The following PKD2L2 variants were observed in gnomAD, a reference collection of about 807,000 sequenced individuals.
The protein encoded by PKD2L2 is polycystin 2 like 2, transient receptor potential cation channel, also known as polycystin-2-like protein 2.
A neutral mutation model predicts 83.9 loss-of-function variants in PKD2L2; 67 were observed. The ratio of observed to expected loss-of-function variants is 0.80; its 90% CI spans 0.66 to 0.98. The LOEUF is 0.98. Among genes scored for constraint, PKD2L2 ranks in the 50% least tolerant of loss-of-function variants. The probability of loss-of-function intolerance (pLI) is 0.00; values close to 1 mark genes in which losing one functional copy is unlikely to be tolerated. For missense variants in PKD2L2, 632 were observed against 717.2 expected, an observed-to-expected ratio of 0.88 and a Z score of 1.36; for synonymous variants, 223 against 237.8, an observed-to-expected ratio of 0.94 and a Z score of 0.57.
At chr5:137,890,605 G>A (rs1247273819) in intron 2 of PKD2L2, 23 bp downstream of exon 2, 1 of 1,015,752 alleles carries the variant, frequency 9.8e-7, no homozygotes, top group African/African-American at 1.7e-5. Flanking sequence ...ATATAAAGAT[G>A]CTGTTTGTTT....
chr5:137,913,144 G>A (rs1757994882), intron 8 of PKD2L2, among the ~76,000 whole-genome samples: 1 of 150,390 alleles, frequency 6.6e-6, no homozygotes, highest in African/African-American at 2.4e-5. Flanking sequence ...CAAAGTGCTG[G>A]GATTAAAGGC....
At chr5:137,890,762 T>G (rs1755898449) in intron 2 of PKD2L2, among the ~76,000 whole-genome samples, 180 bp downstream of exon 2, 1 of 152,254 alleles carries the variant, frequency 6.6e-6, no homozygotes, top group African/African-American at 2.4e-5. Flanking sequence ...AGAAATTGAC[T>G]ATTTTCAGTT....
chr5:137,907,754 G>T lies in PKD2L2; in HGVS notation c.988G>T (p.Ala330Ser). 3 of 1,500,110 alleles carry T rather than the reference G, an allele frequency of 2.0e-6. No homozygotes were observed. The highest frequency in any genetic ancestry group is 2.7e-6 in the Non-Finnish European group (3 of 1,117,718). The allele number at this position is 1,500,110 out of a possible 1,614,324, so 92.9% of individuals were successfully genotyped here. A position where few individuals can be genotyped will look rare whatever the true frequency, so the allele number is the denominator to read the frequency against. The change falls in exon 7 of 15, where the codon GCT becomes TCT. Residue 330 changes from alanine (A) to serine (S), a missense_variant. Transcript: ENST00000508883. The part of the protein sequence containing the change: ...ELLLLLLCFV[A>S]VSFNTYYNVQ... ...TTTTCCCATTTAGTTGTGTTTTGTG[G>T]CTGTTTCCTTCAACACATACTATAA... is the stretch of plus-strand genomic sequence containing the variant.
At chr5:137,909,360 A>G (rs78526257) in intron 8 of PKD2L2, among the ~76,000 whole-genome samples, 2 of 152,070 alleles carry the variant, frequency 1.3e-5, no homozygotes, top group Non-Finnish European at 2.9e-5. Context: ...TATCTGTCAC[A>G]TTCAAATTAG....
chr5:137,913,184 C>CTTT (rs35984179), intron 8 of PKD2L2, among the ~76,000 whole-genome samples: 3 of 104,846 alleles, frequency 2.9e-5, no homozygotes, highest in Non-Finnish European at 3.9e-5. Context: ...CTTCTTTTTT[C>CTTT]TTTTTTTTTT....
intron 12 of PKD2L2, among the ~76,000 whole-genome samples, chr5:137,929,148 G>A (rs1326293231): frequency 1.3e-5 from 2 of 152,062 alleles, no homozygotes; most frequent in African/African-American, 4.8e-5. Context: ...AGAAAGGGAG[G>A]ACTAAGGGTA....
intron 14 of PKD2L2, chr5:137,940,326 C>G (rs1351661925): frequency 6.2e-7 from 1 of 1,605,362 alleles, no homozygotes; most frequent in Non-Finnish European, 8.5e-7. Context: ...AGCACTGGAA[C>G]ACGATCCTCT....
chr5:137,928,290 C>T (rs559376163), intron 12 of PKD2L2, among the ~76,000 whole-genome samples: 1 of 151,464 alleles, frequency 6.6e-6, no homozygotes, highest in Non-Finnish European at 1.5e-5. Context: ...CTGGCTCACA[C>T]CTGTAATCCC....
intron 8 of PKD2L2, among the ~76,000 whole-genome samples, chr5:137,917,943 A>G (rs903718821): frequency 6.6e-6 from 1 of 152,106 alleles, no homozygotes; most frequent in Admixed American, 6.5e-5. Flanking sequence ...CACATTTTGG[A>G]GCCATTGCAC....
At chr5:137,926,090 A>T (rs1034580812) in intron 12 of PKD2L2, among the ~76,000 whole-genome samples, 161 bp downstream of exon 12, 1 of 152,202 alleles carries the variant, frequency 6.6e-6, no homozygotes, top group Non-Finnish European at 1.5e-5. Flanking sequence ...CATGTTTAGG[A>T]CAAACCATTT....
At chr5:137,908,968 A>T in intron 8 of PKD2L2, 22 bp downstream of exon 8, 1 of 1,419,756 alleles carries the variant, frequency 7.0e-7, no homozygotes, top group Non-Finnish European at 9.8e-7. Flanking sequence ...GTATAAATGT[A>T]ATTATATCTT....
At chr5:137,939,878 T>G in intron 14 of PKD2L2, 1 of 1,334,192 alleles carries the variant, frequency 7.5e-7, no homozygotes, top group Non-Finnish European at 9.6e-7. Context: ...AACAAAAAGT[T>G]GGTAATAACA....
rs1210335667 is a variant in PKD2L2, at chr5:137,923,637, AT to A, written c.1551+117del. 1.8e-5 allele frequency: 12 copies of A among 667,912 alleles called. No individual in the cohort carries two copies. In the African/African-American group the frequency reaches 2.2e-4, roughly 12 times the overall value. The allele number at this position is 667,912 out of a possible 1,614,324, so 41.4% of individuals were successfully genotyped here. ...GTCGTGCTCTCCCCACTCCCACCCC[AT>A]CCCATCCCCAGGGTTTGTTTTGTGT... On this transcript the variant is annotated intron_variant, in intron 10 of 14. Transcript: ENST00000508883.
chr5:137,919,935 C>T (rs867148935), intron 8 of PKD2L2, among the ~76,000 whole-genome samples: 8 of 152,302 alleles, frequency 5.3e-5, no homozygotes, highest in South Asian at 2.1e-4. Context: ...TGTTTCCACG[C>T]GCCTGTAATT....
At chr5:137,892,392 C>T in intron 2 of PKD2L2, 88 bp from the exon 3 acceptor site, 1 of 656,540 alleles carries the variant, frequency 1.5e-6, no homozygotes, top group Non-Finnish European at 2.3e-6. Flanking sequence ...GTTTAATTTT[C>T]AAAATTGAGA....
At chr5:137,938,231 G>A (rs2150074298) in intron 14 of PKD2L2, 1 of 152,614 alleles carries the variant, frequency 6.6e-6, no homozygotes, top group East Asian at 1.9e-4. Flanking sequence ...ATAACATATT[G>A]AAGCAGCTGT....
At chr5:137,930,160 G>T (rs1162554945) in intron 12 of PKD2L2, among the ~76,000 whole-genome samples, 5 of 152,116 alleles carry the variant, frequency 3.3e-5, no homozygotes. Flanking sequence ...TGTATATTAA[G>T]TTCTGTACTC....
intron 8 of PKD2L2, among the ~76,000 whole-genome samples, chr5:137,918,573 C>G (rs1393287419): frequency 6.6e-6 from 1 of 152,198 alleles, no homozygotes; most frequent in Non-Finnish European, 1.5e-5. Context: ...CTCCCATAAG[C>G]TACATGCAAG....
At position 137,908,759 on chromosome 5, in the gene PKD2L2, T is replaced by C; in HGVS notation, c.1147-6T>C. On this transcript the variant is annotated splice_polypyrimidine_tract_variant and splice_region_variant and intron_variant, in intron 7 of 14. Transcript: ENST00000508883. Reference sequence around the variant, plus strand: ...TCCTATTTCAATTAACTTTGTTCTTTTTCAGATATTCAAATTCATAAGCTT... The same window carrying C: ...TCCTATTTCAATTAACTTTGTTCTTCTTCAGATATTCAAATTCATAAGCTT... 1.4e-6 allele frequency: 2 copies of C among 1,462,580 alleles called. No homozygotes were observed. Among genetic ancestry groups the C allele is most frequent in the East Asian group, 2.3e-5 (1 of 42,838 alleles). 90.6% of individuals were successfully genotyped at this position (1,462,580 alleles called of 1,614,324 possible). A position where few individuals can be genotyped will look rare whatever the true frequency, so the allele number is the denominator to read the frequency against.
Sources: allele counts gnomAD v4.1 joint callset (sites outside exome capture counted in the v4.1 genomes callset), GRCh38; gene constraint gnomAD v4.1.1; transcripts MANE v1.5; gene names NCBI Gene and HGNC (gene_info 2026-07-23, HGNC 2026-07-21).